The following SKI variants were observed in gnomAD, a reference collection of about 807,000 sequenced individuals.
SKI encodes ski oncogene.
In SKI, 23 loss-of-function variants were observed where a neutral mutation model predicts 59.3. That is an observed-to-expected ratio of 0.39 (90% confidence interval 0.28 to 0.55). SKI has a LOEUF of 0.55. SKI is among the 20% of genes least tolerant of loss of function. The probability of loss-of-function intolerance (pLI) is 0.67; values close to 1 mark genes in which losing one functional copy is unlikely to be tolerated. For missense variants in SKI, 1,017 were observed against 1,038.9 expected, an observed-to-expected ratio of 0.98 and a Z score of 0.29; for synonymous variants, 673 against 488.6, an observed-to-expected ratio of 1.38 and a Z score of -4.98.
chr1:2,272,722 G>A (rs780163962), intron 1 of SKI, among the ~76,000 whole-genome samples: 2 of 152,180 alleles, frequency 1.3e-5, no homozygotes, highest in Non-Finnish European at 2.9e-5. Flanking sequence ...CCCTGTTGAG[G>A]CCTTAGTGTT....
chr1:2,287,978 TTTTC>T (rs548801550), intron 1 of SKI, among the ~76,000 whole-genome samples: 66 of 151,880 alleles, frequency 4.3e-4, no homozygotes, highest in African/African-American at 1.3e-3. Context: ...GTCTTTTTTC[TTTTC>T]TTTCTTTTTT....
Position 2,306,759 on chromosome 1 carries a change from G to C in SKI, c.2181G>C (p.Glu727Asp). Reference protein sequence around the residue: ...AAGSEGAAELEP With the variant: ...AAGSEGAAELDP ...GCAGCGAGGGCGCTGCGGAGCTGGA[G>C]CCGTAGATTCCGTGCCTGCCGCCGC... The change falls in exon 7 of 7, where the codon GAG becomes GAC. Residue 727 changes from glutamate (E) to aspartate (D), a missense_variant. Physicochemically the swap from Glu to Asp is conservative, Grantham distance 45 (BLOSUM62 2). Coordinates refer to ENST00000378536, the MANE Select transcript of SKI (RefSeq NM_003036.4). 1.3e-6 allele frequency: 2 copies of C among 1,516,946 alleles called. No homozygotes were observed. The highest frequency in any genetic ancestry group is 1.8e-6 in the Non-Finnish European group (2 of 1,136,018). 94.0% of individuals were successfully genotyped at this position (1,516,946 alleles called of 1,614,324 possible).
At chr1:2,240,502 CGGGTGGT>C in intron 1 of SKI, 1 of 985,360 alleles carries the variant, frequency 1.0e-6, no homozygotes, top group Non-Finnish European at 1.2e-6. Flanking sequence ...TGGGTGGTGG[CGGGTGGT>C]GGCTGGTTGT....
chr1:2,253,979 C>T (rs1639221092), intron 1 of SKI, among the ~76,000 whole-genome samples: 1 of 152,240 alleles, frequency 6.6e-6, no homozygotes, highest in Admixed American at 6.5e-5. Flanking sequence ...TCTGGATGCC[C>T]ATCCTGGCTG....
At chr1:2,306,411 C>T (rs1017134191) in intron 6 of SKI, among the ~76,000 whole-genome samples, 161 bp downstream of exon 6, 1 of 152,206 alleles carries the variant, frequency 6.6e-6, no homozygotes, top group African/African-American at 2.4e-5. Context: ...TGGGTGGTTG[C>T]TGGGCCCTGC....
At chr1:2,252,022 C>T (rs944607263) in intron 1 of SKI, among the ~76,000 whole-genome samples, 5 of 152,106 alleles carry the variant, frequency 3.3e-5, no homozygotes, top group African/African-American at 1.2e-4. Context: ...GGGAGTGATG[C>T]TGGTCTTTGC....
At chr1:2,235,136 G>A (rs1638725871) in intron 1 of SKI, among the ~76,000 whole-genome samples, 1 of 138,982 alleles carries the variant, frequency 7.2e-6, no homozygotes. Flanking sequence ...TCCGTCTCCT[G>A]GGTTCAAGCG....
intron 1 of SKI, among the ~76,000 whole-genome samples, chr1:2,295,759 G>T (rs116790518): frequency 5.9e-5 from 9 of 152,128 alleles, no homozygotes; most frequent in African/African-American, 1.9e-4. Flanking sequence ...TCCGGCCTCA[G>T]CACAGTATTT....
rs950310485 is a variant in SKI, at chr1:2,269,318, G to A, written c.970-33660G>A. On this transcript the variant is annotated intron_variant, in intron 1 of 6. Transcript: ENST00000378536. This position sits in a 1 kb window ranked among gnomAD's most constrained non-coding sequence, Gnocchi z 4.7. Reference sequence around the variant, plus strand: ...CTGGCCATGACTGGGCAGAGCCAGAGAGTGACTAAGGGGCTGTTAGGACAG... The same window carrying A: ...CTGGCCATGACTGGGCAGAGCCAGAAAGTGACTAAGGGGCTGTTAGGACAG... Among the ~76,000 whole-genome samples, 2 of 152,218 alleles carry A rather than the reference G, an allele frequency of 1.3e-5. No homozygotes were observed. The highest frequency in any genetic ancestry group is 4.8e-5 in the African/African-American group (2 of 41,448).
At chr1:2,244,040 A>G (rs1338128350) in intron 1 of SKI, among the ~76,000 whole-genome samples, 1 of 151,886 alleles carries the variant, frequency 6.6e-6, no homozygotes, top group Non-Finnish European at 1.5e-5. Flanking sequence ...ATCTCGGCTC[A>G]TTGCAAGCTC....
In SKI at chr1:2,229,159, G is replaced by T. The variant is rs748004059; in HGVS notation, c.393G>T (p.Leu131=). The T allele has an allele frequency of 1.2e-6, 2 of 1,611,848 alleles. No homozygotes were observed. Among genetic ancestry groups the T allele is most frequent in the Admixed American group, 3.3e-5 (2 of 59,972 alleles). ...LCLPQILNSV[L]RDFSLQQINA... is the part of the protein sequence containing the mutation. ...TGCCGCAGATTCTCAACTCGGTGCT[G>T]CGCGACTTCTCGCTGCAGCAGATCA... Residue 131 remains leucine (L), a synonymous_variant, in exon 1 of 7, where the codon CTG becomes CTT. Transcript: ENST00000378536. The surrounding 1 kb of genome is among the most constrained non-coding windows in gnomAD (Gnocchi z 6.3).
chr1:2,272,520 C>T (rs181599976), intron 1 of SKI, among the ~76,000 whole-genome samples: 108 of 152,330 alleles, frequency 7.1e-4, no homozygotes, highest in African/African-American at 2.5e-3. Context: ...CTCCTTCCCC[C>T]ACAGGCTACA....
chr1:2,280,653 A>G (rs186058331), intron 1 of SKI, among the ~76,000 whole-genome samples: 2,321 of 49,138 alleles, frequency 0.047, 38 homozygotes, highest in East Asian at 0.13. Context: ...GAGAGAGGAC[A>G]CCCGAGAAGA....
intron 1 of SKI, among the ~76,000 whole-genome samples, chr1:2,277,981 A>G (rs1291989583): frequency 2.0e-5 from 3 of 152,036 alleles, no homozygotes; most frequent in Admixed American, 6.5e-5. Flanking sequence ...ATCAGCACCC[A>G]TGGGCATACA....
Position 2,229,462 on chromosome 1 carries a change from G to A in SKI, c.696G>A (p.Leu232=), listed in dbSNP as rs748272908. The stretch of plus-strand genomic sequence containing the variant: ...GCTTCGGCAAGTGTAAGGGGCTGCT[G>A]GTGCCCGAGCTCTACAGCAGCCCGA... ...HECFGKCKGL[L]VPELYSSPSA... The change falls in exon 1 of 7, where the codon CTG becomes CTA. Residue 232 remains leucine (L), a synonymous_variant. Transcript: ENST00000378536. The surrounding 1 kb of genome is among the most constrained non-coding windows in gnomAD (Gnocchi z 6.3). 22 of 1,611,954 alleles carry A rather than the reference G, an allele frequency of 1.4e-5. No homozygotes were observed. The Admixed American group carries it at 2.0e-4, about 15-fold the overall frequency.
rs973027839 is a variant in SKI at position 2,267,314 on chromosome 1, C to T, written c.970-35664C>T. ...CGTACCACTCAGAATTCAGCTTGCG[C>T]GGGCTGCGGTGGAGTTCTGGGGTTT... On this transcript the variant is annotated intron_variant, in intron 1 of 6. Transcript: ENST00000378536. The surrounding 1 kb of genome is among the most constrained non-coding windows in gnomAD (Gnocchi z 4.1). 1.3e-5 allele frequency among the ~76,000 whole-genome samples: 2 copies of T among 152,166 alleles called. No individual in the cohort carries two copies. Among genetic ancestry groups the T allele is most frequent in the Admixed American group, 6.5e-5 (1 of 15,276 alleles).
At chr1:2,242,380 G>A (rs1171326009) in intron 1 of SKI, among the ~76,000 whole-genome samples, 1 of 152,194 alleles carries the variant, frequency 6.6e-6, no homozygotes, top group African/African-American at 2.4e-5. Context: ...CACGTCAGGG[G>A]AGAGGCAGGA....
intron 1 of SKI, among the ~76,000 whole-genome samples, chr1:2,235,187 G>C (rs1337976576): frequency 6.6e-6 from 1 of 151,800 alleles, no homozygotes; most frequent in Non-Finnish European, 1.5e-5. Flanking sequence ...GATTACAGAT[G>C]TGTGCCACCA....
chr1:2,274,042 G>A (rs76859834), intron 1 of SKI, among the ~76,000 whole-genome samples: 51 of 151,946 alleles, frequency 3.4e-4, no homozygotes, highest in Non-Finnish European at 3.7e-4. Flanking sequence ...CCTACGGGCC[G>A]TGTCCAGACC....
Sources: allele counts gnomAD v4.1 joint callset (sites outside exome capture counted in the v4.1 genomes callset), GRCh38; gene constraint gnomAD v4.1.1; non-coding constraint Gnocchi (gnomAD v3.1); transcripts MANE v1.5; gene names NCBI Gene and HGNC (gene_info 2026-07-23, HGNC 2026-07-21).